Variants in NELL1 observed in about 807,000 individuals in gnomAD.
The protein encoded by NELL1 is protein kinase C-binding protein NELL1.
A neutral mutation model predicts 107.4 loss-of-function variants in NELL1; 76 were observed. The observed-to-expected ratio is 0.71, with a 90% CI of 0.59 to 0.86. The LOEUF (loss-of-function observed/expected upper bound fraction) is 0.86. Among genes scored for constraint, NELL1 ranks in the 40% least tolerant of loss-of-function variants. The pLI is 0.00. For synonymous variants in NELL1, 353 were observed against 341.2 expected, an observed-to-expected ratio of 1.03 and a Z score of -0.38; for missense variants, 1,024 against 1,005.5, an observed-to-expected ratio of 1.02 and a Z score of -0.25.
chr11:21,316,547 C>G (rs766790963), intron 14 of NELL1, among the ~76,000 whole-genome samples: 1 of 152,156 alleles, frequency 6.6e-6, no homozygotes, highest in Non-Finnish European at 1.5e-5. Flanking sequence ...TAAGAAATCT[C>G]AAACTGGCTT....
intron 9 of NELL1, chr11:20,935,903 G>A (rs1850714835): frequency 6.6e-6 from 1 of 152,492 alleles, no homozygotes; most frequent in Non-Finnish European, 1.5e-5. Context: ...TAGGGTGTGG[G>A]AGCTGGGATG....
Position 21,422,208 on chromosome 11 carries a change from C to A in NELL1, c.1645+51260C>A, listed in dbSNP as rs115391124. On this transcript the variant is annotated intron_variant, in intron 15 of 19. Transcript: ENST00000357134. ...TCAGTACCACTAGACCTACCCTGCCCTGCAGGAAATCTTAAAGGAAGTCTT... is the reference window on the plus strand; with the variant it reads ...TCAGTACCACTAGACCTACCCTGCCATGCAGGAAATCTTAAAGGAAGTCTT... 2.7e-3 allele frequency among the ~76,000 whole-genome samples: 406 copies of A among 152,126 alleles called. 1 individual carries two copies. The highest frequency in any genetic ancestry group is 8.0e-3 in the African/African-American group (332 of 41,484).
At chr11:21,520,708 G>T (rs1399068483) in intron 15 of NELL1, among the ~76,000 whole-genome samples, 1 of 152,128 alleles carries the variant, frequency 6.6e-6, no homozygotes, top group Non-Finnish European at 1.5e-5. Context: ...GTCTAAAGGT[G>T]CATCAGCACC....
chr11:21,247,621 G>A (rs139755233), intron 14 of NELL1, among the ~76,000 whole-genome samples: 156 of 152,308 alleles, frequency 1.0e-3, no homozygotes, highest in African/African-American at 3.6e-3. Context: ...TCTCCTGAAG[G>A]ACCTACGTGG....
intron 2 of NELL1, among the ~76,000 whole-genome samples, chr11:20,732,347 A>G (rs1338844532): frequency 2.0e-5 from 3 of 152,138 alleles, no homozygotes; most frequent in Non-Finnish European, 2.9e-5. Flanking sequence ...TCAGCTTTTC[A>G]TGGCCTCAGT....
intron 15 of NELL1, among the ~76,000 whole-genome samples, chr11:21,401,094 T>C (rs959733518): frequency 6.6e-6 from 1 of 151,912 alleles, no homozygotes; most frequent in African/African-American, 2.4e-5. Context: ...TCTTGCTACT[T>C]TAAATTATAC....
intron 13 of NELL1, among the ~76,000 whole-genome samples, chr11:21,168,492 T>C (rs1213432678): frequency 6.6e-6 from 1 of 151,778 alleles, no homozygotes; most frequent in African/African-American, 2.4e-5. Flanking sequence ...TTCCCTAACT[T>C]CTTCATCTAT....
chr11:20,670,699 T>TGA lies in NELL1; in HGVS notation c.55+924_55+925dup, dbSNP rs1193146236. The TGA allele has an allele frequency of 2.0e-5, 3 of 151,964 alleles. No individual in the cohort carries two copies. In the East Asian group the frequency reaches 5.8e-4, roughly 29 times the overall value. The allele number at this position is 151,964 out of a possible 1,614,324, so 9.4% of individuals were successfully genotyped here. ...GAGACTGGGGTGAGGTGAGGTGGGGTGAGATGTAGGAAATTGGCAAAAATA... is the reference window on the plus strand; with the variant it reads ...GAGACTGGGGTGAGGTGAGGTGGGGTGAGAGATGTAGGAAATTGGCAAAAATA... On this transcript the variant is annotated intron_variant, in intron 1 of 19. Transcript: ENST00000357134.
intron 12 of NELL1, among the ~76,000 whole-genome samples, chr11:21,031,531 G>C (rs1216556599): frequency 1.3e-5 from 2 of 152,160 alleles, no homozygotes; most frequent in African/African-American, 2.4e-5. Context: ...CACTCTGCCT[G>C]TTTCCCTTCC....
chr11:21,442,942 CTTTTTTT>C (rs66501874), intron 15 of NELL1, among the ~76,000 whole-genome samples: 8 of 57,592 alleles, frequency 1.4e-4, no homozygotes, highest in East Asian at 5.1e-4. Context: ...GCTATCTTTC[CTTTTTTT>C]TTTTTTTTTT....
chr11:21,201,574 C>T (rs908731653), intron 13 of NELL1, among the ~76,000 whole-genome samples: 8 of 152,154 alleles, frequency 5.3e-5, no homozygotes, highest in East Asian at 1.9e-4. Context: ...ATCTGTAAAC[C>T]GAGACTATTT....
chr11:21,188,620 A>T (rs1056937303), intron 13 of NELL1, among the ~76,000 whole-genome samples: 1 of 151,876 alleles, frequency 6.6e-6, no homozygotes, highest in Non-Finnish European at 1.5e-5. Context: ...AATTTATTTA[A>T]AAAGAACCAA....
chr11:21,549,726 CATTAAAGATACCAGCAGT>C (rs1236626223), intron 16 of NELL1, among the ~76,000 whole-genome samples: 1 of 151,750 alleles, frequency 6.6e-6, no homozygotes, highest in Non-Finnish European at 1.5e-5. Context: ...CCCTGAGTGG[CATTAAAGATACCAGCAGT>C]ATTAAAGATT....
chr11:21,004,084 A>G (rs1852279832), intron 12 of NELL1, among the ~76,000 whole-genome samples: 1 of 152,120 alleles, frequency 6.6e-6, no homozygotes, highest in Non-Finnish European at 1.5e-5. Context: ...CATCTTGCAG[A>G]ATAGATTGTT....
intron 3 of NELL1, among the ~76,000 whole-genome samples, chr11:20,822,601 T>C (rs988837565): frequency 6.6e-6 from 1 of 152,144 alleles, no homozygotes; most frequent in East Asian, 1.9e-4. Context: ...TGGAGCTTGA[T>C]TTTTGGCAGA....
chr11:21,384,145 A>G (rs1366811508), intron 15 of NELL1, among the ~76,000 whole-genome samples: 1 of 151,790 alleles, frequency 6.6e-6, no homozygotes, highest in Non-Finnish European at 1.5e-5. Flanking sequence ...ATGGCATAAA[A>G]CCTCTAACTC....
intron 15 of NELL1, among the ~76,000 whole-genome samples, chr11:21,411,163 G>T (rs568479579): frequency 3.9e-5 from 6 of 152,040 alleles, no homozygotes; most frequent in Admixed American, 1.3e-4. Flanking sequence ...TTTCAAGGTT[G>T]GGAGAATTAA....
intron 12 of NELL1, among the ~76,000 whole-genome samples, chr11:21,009,074 G>A (rs115630429): frequency 0.02 from 3,038 of 152,178 alleles, 121 homozygotes; most frequent in African/African-American, 0.07. Flanking sequence ...TGTTTATTTG[G>A]TATGTGTGAA....
intron 14 of NELL1, among the ~76,000 whole-genome samples, chr11:21,318,615 T>A (rs1849932856): frequency 6.6e-6 from 1 of 151,074 alleles, no homozygotes; most frequent in African/African-American, 2.5e-5. Context: ...ATTAAACATT[T>A]ATTTATCTTC....
Sources: allele counts gnomAD v4.1 joint callset (sites outside exome capture counted in the v4.1 genomes callset), GRCh38; gene constraint gnomAD v4.1.1; transcripts MANE v1.5; gene names NCBI Gene and HGNC (gene_info 2026-07-23, HGNC 2026-07-21).